The following ASMTL variants were observed in gnomAD, a reference collection of about 807,000 sequenced individuals.
ASMTL encodes probable bifunctional dTTP/UTP pyrophosphatase/methyltransferase protein.
ASMTL carries 57 observed loss-of-function variants against 60.3 expected under a neutral mutation model. That is an observed-to-expected ratio of 0.95 (90% CI 0.76 to 1.18). The LOEUF is 1.18. ASMTL is among the 50% of genes most tolerant of loss of function. ASMTL has a pLI of 0.00. For synonymous variants in ASMTL, 419 were observed against 373.0 expected, an observed-to-expected ratio of 1.12 and a Z score of -1.42; for missense variants, 981 against 852.6, an observed-to-expected ratio of 1.15 and a Z score of -1.88.
chrX:1,443,247 G>C (rs1433437006), intron 1 of ASMTL, among the ~76,000 whole-genome samples: 15 of 19,532 alleles, frequency 7.7e-4, no homozygotes, highest in African/African-American at 1.3e-3. Context: ...CCGCCGTCGT[G>C]GACACACGCC....
chrX:1,421,895 C>G (rs1345420538), intron 8 of ASMTL, 53 bp from the exon 9 acceptor site: 8 of 1,543,624 alleles, frequency 5.2e-6, no homozygotes, highest in Non-Finnish European at 6.3e-6. Flanking sequence ...CCCAAGGAAA[C>G]CTGACCGTAG....
Position 1,427,984 on chromosome X carries a change from C to G in ASMTL, c.647G>C (p.Arg216Pro). 6.2e-7 allele frequency: 1 copy of G among 1,613,260 alleles called. No individual in the cohort carries two copies. The highest frequency in any genetic ancestry group is 1.1e-5 in the South Asian group (1 of 91,072). The part of the protein sequence containing the change: ...KQLVKLYYPP[R>P]PEDLRRSVKH... ...GACACTCCGCCGCAGGTCCTCCGGA[C>G]GGGGCGGGTAGTAGAGCTTCACCAG... The change falls in exon 7 of 13, where the codon CGT becomes CCT. Residue 216 changes from arginine to proline, a missense_variant. Arg to Pro is a moderately radical substitution (Grantham distance 103). Coordinates refer to ENST00000381317, the MANE Select transcript of ASMTL (RefSeq NM_004192.4).
intron 7 of ASMTL, among the ~76,000 whole-genome samples, chrX:1,426,915 A>G (rs4468096): frequency 0.65 from 97,951 of 151,438 alleles, 32,590 homozygotes; most frequent in East Asian, 0.83. Flanking sequence ...CCCGGGAGGC[A>G]GAGGTTGCAG....
chrX:1,416,307 A>G (rs2090256437), intron 11 of ASMTL, among the ~76,000 whole-genome samples: 1 of 142,842 alleles, frequency 7.0e-6, no homozygotes, highest in Non-Finnish European at 1.5e-5. Flanking sequence ...AGACGCAGAC[A>G]TGCACAGCTG....
At chrX:1,413,535 T>G (rs2090118561) in intron 11 of ASMTL, among the ~76,000 whole-genome samples, 1 of 152,096 alleles carries the variant, frequency 6.6e-6, no homozygotes, top group Non-Finnish European at 1.5e-5. Flanking sequence ...GGGGGGCGCA[T>G]GTAGCTGCAC....
Position 1,418,092 on chromosome X carries a change from T to C in ASMTL, c.1403A>G (p.Glu468Gly). Residue 468 changes from glutamate (E) to glycine (G), a missense_variant, in exon 11 of 13, where the codon GAG becomes GGG. Physicochemically the swap from Glu to Gly is moderately conservative, Grantham distance 98 (BLOSUM62 -2). Transcript: ENST00000381317. ...VGGCTGALAR[E>G]LAREYPRMQV... The stretch of plus-strand genomic sequence containing the variant: ...CATACGAGGGTACTCACGGGCCAGC[T>C]CTCGGGCCAGTGCACCCGTGCAGCC... 1 of 1,610,936 alleles carries C rather than the reference T, an allele frequency of 6.2e-7. No individual in the cohort carries two copies. The highest frequency in any genetic ancestry group is 1.3e-5 in the African/African-American group (1 of 74,954).
At position 1,416,488 on chromosome X, in the gene ASMTL, C is replaced by G. The variant is rs1243516978; in HGVS notation, c.1522+1485G>C. 5.3e-5 allele frequency among the ~76,000 whole-genome samples: 8 copies of G among 150,238 alleles called. No homozygotes were observed. The South Asian group carries it at 1.7e-3, about 32-fold the overall frequency. ...GCAGACACACATGGACATACAGATA[C>G]AGCGACAGGCACACACACACGGATG... On this transcript the variant is annotated intron_variant, in intron 11 of 12. Coordinates refer to ENST00000381317, the MANE Select transcript of ASMTL (RefSeq NM_004192.4).
intron 3 of ASMTL, 75 bp from the exon 4 acceptor site, chrX:1,435,833 C>T (rs1162506765): frequency 8.1e-5 from 101 of 1,253,416 alleles, no homozygotes; most frequent in African/African-American, 2.2e-4. Flanking sequence ...CGGTCCCATT[C>T]GCAGAAGTCA....
intron 3 of ASMTL, among the ~76,000 whole-genome samples, chrX:1,437,526 T>C (rs1603451567): frequency 6.6e-6 from 1 of 152,166 alleles, no homozygotes; most frequent in East Asian, 1.9e-4. Context: ...GTCTGTGTCC[T>C]CATCTCCTCT....
intron 1 of ASMTL, 66 bp downstream of exon 1, chrX:1,452,682 G>C: frequency 7.4e-7 from 1 of 1,357,808 alleles, no homozygotes; most frequent in Non-Finnish European, 1.0e-6. Context: ...TTCCTGAGTC[G>C]CTGGGCCCTC....
At chrX:1,404,712 G>A (rs1392727607) in intron 12 of ASMTL, among the ~76,000 whole-genome samples, 92 of 148,116 alleles carry the variant, frequency 6.2e-4, no homozygotes, top group Non-Finnish European at 1.2e-3. Context: ...ATGGACAGAT[G>A]GATGCATGGA....
At chrX:1,450,068 GTAACTATGC>G (rs1263629171) in intron 1 of ASMTL, among the ~76,000 whole-genome samples, 3 of 148,134 alleles carry the variant, frequency 2.0e-5, no homozygotes, top group Non-Finnish European at 4.5e-5. Flanking sequence ...TCCATCACCA[GTAACTATGC>G]CCCCATCACC....
At chrX:1,430,920 AC>A (rs2149320614) in intron 6 of ASMTL, among the ~76,000 whole-genome samples, 1 of 142,566 alleles carries the variant, frequency 7.0e-6, no homozygotes, top group Admixed American at 7.1e-5. Flanking sequence ...AACACATAAT[AC>A]ATTATATATT....
At chrX:1,425,494 C>T in intron 8 of ASMTL, 31 bp downstream of exon 8, 1 of 1,600,630 alleles carries the variant, frequency 6.2e-7, no homozygotes, top group Non-Finnish European at 8.5e-7. Context: ...CTGCAAAGAT[C>T]CTCAGAGCAA....
chrX:1,418,155 C>A, intron 10 of ASMTL, 39 bp from the exon 11 acceptor site: 1 of 1,554,032 alleles, frequency 6.4e-7, no homozygotes. Context: ...GCTGGGTCGT[C>A]TATGGAACTC....
intron 7 of ASMTL, 54 bp from the exon 8 acceptor site, chrX:1,425,741 A>G (rs1359520518): frequency 4.5e-6 from 7 of 1,556,644 alleles, no homozygotes; most frequent in Non-Finnish European, 5.3e-6. Flanking sequence ...AGTACTTTCT[A>G]CTCCCACAGA....
At chrX:1,434,949 C>T in intron 5 of ASMTL, 73 bp downstream of exon 5, 1 of 1,563,022 alleles carries the variant, frequency 6.4e-7, no homozygotes, top group Non-Finnish European at 8.8e-7. Flanking sequence ...CTCCCTCAAG[C>T]CAAGGGTCCC....
At chrX:1,404,515 AGAT>A (rs2149254131) in intron 12 of ASMTL, among the ~76,000 whole-genome samples, 1 of 145,154 alleles carries the variant, frequency 6.9e-6, no homozygotes, top group East Asian at 2.1e-4. Flanking sequence ...AATAGATAGT[AGAT>A]GATGGTTAGG....
intron 1 of ASMTL, among the ~76,000 whole-genome samples, chrX:1,446,248 C>T (rs1391504579): frequency 6.6e-6 from 1 of 152,138 alleles, no homozygotes; most frequent in African/African-American, 2.4e-5. Context: ...ACGTGACTCA[C>T]GTGACCTTAC....
Sources: allele counts gnomAD v4.1 joint callset (sites outside exome capture counted in the v4.1 genomes callset), GRCh38; gene constraint gnomAD v4.1.1; transcripts MANE v1.5; gene names NCBI Gene and HGNC (gene_info 2026-07-23, HGNC 2026-07-21).